The following FAM135B variants were observed in gnomAD, a reference collection of about 807,000 sequenced individuals.
FAM135B encodes the protein protein FAM135B.
FAM135B carries 43 observed loss-of-function variants against 127.7 expected under a neutral mutation model. That is an observed-to-expected ratio of 0.34 (90% CI 0.26 to 0.43). The LOEUF (loss-of-function observed/expected upper bound fraction) is 0.43. Ranked by LOEUF, FAM135B falls within the 20% of genes least tolerant of loss-of-function variation. The pLI, the probability that FAM135B is intolerant of heterozygous loss-of-function variation, is 1.00. For missense variants in FAM135B, 1,558 were observed against 1,725.6 expected (o/e 0.90, Z 1.72); for synonymous variants, 670 against 665.1 (o/e 1.01, Z -0.11).
chr8:138,309,824 C>CCCT (rs1826531334), intron 3 of FAM135B, among the ~76,000 whole-genome samples: 1 of 151,116 alleles, frequency 6.6e-6, no homozygotes, highest in South Asian at 2.1e-4. Flanking sequence ...CTTTAATGCT[C>CCCT]CCTACCCTCT....
intron 1 of FAM135B, among the ~76,000 whole-genome samples, chr8:138,416,947 A>G (rs911783035): frequency 4.6e-5 from 7 of 152,190 alleles, no homozygotes; most frequent in Non-Finnish European, 8.8e-5. Flanking sequence ...GCCCAGTCTC[A>G]TCATGGACCT....
chr8:138,485,736 T>C (rs902478672), intron 1 of FAM135B, among the ~76,000 whole-genome samples: 6 of 151,904 alleles, frequency 3.9e-5, no homozygotes, highest in Non-Finnish European at 8.8e-5. Context: ...GGAGGGGAGT[T>C]ATAAAAAAGA....
At chr8:138,134,983 A>G (rs1487467102) in intron 19 of FAM135B, among the ~76,000 whole-genome samples, 1 of 152,164 alleles carries the variant, frequency 6.6e-6, no homozygotes, top group African/African-American at 2.4e-5. Flanking sequence ...AATAAATACA[A>G]TTTGCTATGC....
intron 4 of FAM135B, among the ~76,000 whole-genome samples, chr8:138,258,160 AG>A (rs1182563488): frequency 6.6e-6 from 1 of 152,230 alleles, no homozygotes; most frequent in Non-Finnish European, 1.5e-5. Context: ...TCTGCTGCAT[AG>A]AAAGTATCAA....
chr8:138,336,276 T>C (rs1270041745), intron 2 of FAM135B, among the ~76,000 whole-genome samples: 1 of 151,954 alleles, frequency 6.6e-6, no homozygotes, highest in Non-Finnish European at 1.5e-5. Context: ...CTGAAGGAAA[T>C]AGAGACATAA....
intron 7 of FAM135B, among the ~76,000 whole-genome samples, chr8:138,227,283 CA>C (rs1819531231): frequency 6.6e-6 from 1 of 152,134 alleles, no homozygotes; most frequent in Non-Finnish European, 1.5e-5. Flanking sequence ...GAAATAATAA[CA>C]AAGTCAGCTA....
chr8:138,359,940 C>A (rs1271712751), intron 2 of FAM135B, among the ~76,000 whole-genome samples: 2 of 152,168 alleles, frequency 1.3e-5, no homozygotes, highest in Non-Finnish European at 2.9e-5. Flanking sequence ...CCTAACATTT[C>A]TATGAGCCTT....
intron 1 of FAM135B, among the ~76,000 whole-genome samples, chr8:138,463,752 C>T (rs556977313): frequency 1.3e-5 from 2 of 152,186 alleles, no homozygotes; most frequent in East Asian, 3.9e-4. Flanking sequence ...TAAGATGCTG[C>T]AGAAGGGAAG....
intron 3 of FAM135B, among the ~76,000 whole-genome samples, chr8:138,278,139 T>C (rs1003971094): frequency 2.6e-5 from 4 of 151,904 alleles, no homozygotes; most frequent in Non-Finnish European, 5.9e-5. Context: ...TGACAATAAA[T>C]GAGCATAGGA....
intron 1 of FAM135B, among the ~76,000 whole-genome samples, chr8:138,413,375 A>T (rs552403600): frequency 8.2e-4 from 125 of 152,224 alleles, no homozygotes; most frequent in African/African-American, 2.8e-3. Flanking sequence ...CTAGTTAATT[A>T]TTATGTATTT....
intron 3 of FAM135B, among the ~76,000 whole-genome samples, chr8:138,302,498 T>A (rs1028019): frequency 0.94 from 143,264 of 152,244 alleles, 67,606 homozygotes; most frequent in Non-Finnish European, 0.97. Flanking sequence ...TGGAGCCTTA[T>A]CCCCTAGGGA....
intron 7 of FAM135B, among the ~76,000 whole-genome samples, chr8:138,223,462 G>C (rs1424733306): frequency 1.3e-5 from 2 of 152,218 alleles, no homozygotes; most frequent in Admixed American, 6.5e-5. Context: ...GTGGGAAGTA[G>C]ATTAGGACTT....
chr8:138,265,360 C>T (rs1822834594), intron 4 of FAM135B, among the ~76,000 whole-genome samples: 1 of 152,068 alleles, frequency 6.6e-6, no homozygotes, highest in African/African-American at 2.4e-5. Flanking sequence ...CACATAGAGC[C>T]CTGCAAAAAG....
chr8:138,367,429 T>C (rs1420422555), intron 2 of FAM135B: 1 of 456,548 alleles, frequency 2.2e-6, no homozygotes, highest in Non-Finnish European at 4.4e-6. Flanking sequence ...GATGAAAGCA[T>C]TATACTTCAG....
intron 7 of FAM135B, among the ~76,000 whole-genome samples, chr8:138,229,017 G>A (rs1025765539): frequency 1.3e-5 from 2 of 150,504 alleles, no homozygotes; most frequent in Non-Finnish European, 3.0e-5. Flanking sequence ...CGAAGCGCCC[G>A]TGTTTCCCTA....
At chr8:138,452,220 C>A (rs935753810) in intron 1 of FAM135B, among the ~76,000 whole-genome samples, 3 of 150,240 alleles carry the variant, frequency 2.0e-5, no homozygotes, top group Non-Finnish European at 4.4e-5. Context: ...ACCTCCACCT[C>A]CCAGACTCAA....
At chr8:138,432,620 C>T (rs757535680) in intron 1 of FAM135B, among the ~76,000 whole-genome samples, 14 of 151,878 alleles carry the variant, frequency 9.2e-5, no homozygotes, top group African/African-American at 1.2e-4. Context: ...GGATAGCATC[C>T]GTAGCATCAG....
At chr8:138,456,439 A>T (rs1030025035) in intron 1 of FAM135B, among the ~76,000 whole-genome samples, 1 of 152,158 alleles carries the variant, frequency 6.6e-6, no homozygotes, top group African/African-American at 2.4e-5. Flanking sequence ...TCATTGGGAG[A>T]CTACAAGGTT....
At chr8:138,359,847 T>C (rs549556754) in intron 2 of FAM135B, among the ~76,000 whole-genome samples, 1 of 152,302 alleles carries the variant, frequency 6.6e-6, no homozygotes, top group African/African-American at 2.4e-5. Flanking sequence ...ACATTGTCTT[T>C]CAGGAAGCAC....
Sources: gnomAD v4.1 joint callset for allele counts (sites outside exome capture counted in the v4.1 genomes callset) on GRCh38, gnomAD v4.1.1 for gene constraint, MANE v1.5 for transcripts, NCBI Gene and HGNC (gene_info 2026-07-23, HGNC 2026-07-21) for gene names.